ABL2: variants seen among roughly 807,000 people sequenced by gnomAD.
ABL2 encodes ABL proto-oncogene 2, non-receptor tyrosine kinase.
Under a neutral mutation model 107.7 loss-of-function variants are expected in ABL2, and 49 were observed. That is an observed-to-expected ratio of 0.45 (90% CI 0.36 to 0.58). The LOEUF (loss-of-function observed/expected upper bound fraction) is 0.58. Ranked by LOEUF, ABL2 falls within the 20% of genes least tolerant of loss-of-function variation. ABL2 has a pLI of 0.00. For missense variants in ABL2, 1,245 were observed against 1,457.0 expected (o/e 0.85, Z 2.37); for synonymous variants, 549 against 548.6 (o/e 1.00, Z -0.01).
intron 1 of ABL2, among the ~76,000 whole-genome samples, chr1:179,171,772 C>T (rs562739302): frequency 1.3e-5 from 2 of 152,288 alleles, no homozygotes; most frequent in South Asian, 4.1e-4. Flanking sequence ...CTTGGCCTCC[C>T]AGTGCTGGGA....
intron 1 of ABL2, among the ~76,000 whole-genome samples, chr1:179,140,879 A>AT (rs1196199085): frequency 5.3e-5 from 8 of 152,092 alleles, no homozygotes; most frequent in Non-Finnish European, 1.0e-4. Context: ...TGTGGTGGCT[A>AT]GCGTCTGTAA....
At chr1:179,117,137 T>C (rs1372493954) in intron 8 of ABL2, 195 bp downstream of exon 8, 2 of 626,328 alleles carry the variant, frequency 3.2e-6, no homozygotes, top group African/African-American at 1.8e-5. Flanking sequence ...ACCAGGCCTA[T>C]ACTTCTGTTT....
chr1:179,126,333 G>T lies in ABL2; in HGVS notation c.687+44C>A. The T allele has an allele frequency of 1.3e-6, 2 of 1,567,530 alleles. No individual in the cohort carries two copies. Among genetic ancestry groups the T allele is most frequent in the South Asian group, 1.1e-5 (1 of 88,512 alleles). On this transcript the variant is annotated intron_variant, in intron 4 of 11. Coordinates refer to ENST00000502732, the MANE Select transcript of ABL2 (RefSeq NM_007314.4). This position sits in a 1 kb window ranked among gnomAD's most constrained non-coding sequence, Gnocchi z 4.4. ...CAATCACGTTGAATATTATTTCACAGAGTAGCCAGTCCATGCTTAAAGGTG... is the reference window on the plus strand; with the variant it reads ...CAATCACGTTGAATATTATTTCACATAGTAGCCAGTCCATGCTTAAAGGTG...
intron 4 of ABL2, among the ~76,000 whole-genome samples, chr1:179,125,143 A>T (rs1655618179): frequency 6.6e-6 from 1 of 152,226 alleles, no homozygotes; most frequent in South Asian, 2.1e-4. Context: ...GTGTGTCAGA[A>T]CTGTGAACTA....
At chr1:179,173,845 T>C (rs1465734322) in intron 1 of ABL2, among the ~76,000 whole-genome samples, 1 of 137,892 alleles carries the variant, frequency 7.3e-6, no homozygotes, top group Non-Finnish European at 1.6e-5. Context: ...TGGATATTAA[T>C]TTAAAAAGCT....
intron 1 of ABL2, among the ~76,000 whole-genome samples, chr1:179,171,204 G>A (rs1659698511): frequency 6.6e-6 from 1 of 152,040 alleles, no homozygotes; most frequent in African/African-American, 2.4e-5. Flanking sequence ...ATAACTATTG[G>A]CCGTCTGTGC....
intron 1 of ABL2, among the ~76,000 whole-genome samples, chr1:179,147,002 T>C (rs543061867): frequency 2.5e-4 from 38 of 151,410 alleles, no homozygotes; most frequent in African/African-American, 7.8e-4. Context: ...GTTGAGGCTG[T>C]AGTGAGCCAA....
At chr1:179,119,328 G>A (rs989414055) in intron 6 of ABL2, among the ~76,000 whole-genome samples, 1 of 151,994 alleles carries the variant, frequency 6.6e-6, no homozygotes, top group African/African-American at 2.4e-5. Flanking sequence ...GATCGCCTGA[G>A]CCCAGCAGTT....
intron 1 of ABL2, 59 bp downstream of exon 1, chr1:179,229,182 G>A: frequency 5.9e-5 from 12 of 202,512 alleles, no homozygotes; most frequent in Admixed American, 2.1e-4. Flanking sequence ...CACCCACCCC[G>A]CCCCGACCCC....
intron 1 of ABL2, among the ~76,000 whole-genome samples, chr1:179,191,467 CTGGAG>C: frequency 8.5e-6 from 1 of 117,268 alleles, no homozygotes; most frequent in East Asian, 2.7e-4. Context: ...ATTGCCCAGG[CTGGAG>C]TGCAAAGGCA....
At chr1:179,165,576 G>A (rs1425445101) in intron 1 of ABL2, among the ~76,000 whole-genome samples, 3 of 152,102 alleles carry the variant, frequency 2.0e-5, no homozygotes, top group South Asian at 2.1e-4. Context: ...GTCACACTAC[G>A]AAGTTCAGAT....
intron 3 of ABL2, among the ~76,000 whole-genome samples, chr1:179,127,043 A>G (rs1331165474): frequency 6.6e-6 from 1 of 152,256 alleles, no homozygotes; most frequent in Non-Finnish European, 1.5e-5. Flanking sequence ...ACTTTCCCTC[A>G]AAAGTTTATC....
rs569484762 is a variant in ABL2 at position 179,225,329 on chromosome 1, C to T, written c.157+3912G>A. Among the ~76,000 whole-genome samples the T allele has an allele frequency of 2.6e-5, 4 of 152,278 alleles. No individual in the cohort carries two copies. In the East Asian group the frequency reaches 5.8e-4, roughly 22 times the overall value. ...ATTATTTGGCTTATATTAAAACCTA[C>T]ATGTAAACCCAAGAGTCTAACAGAC... is the stretch of plus-strand genomic sequence containing the variant. On this transcript the variant is annotated intron_variant, in intron 1 of 11. Coordinates refer to ENST00000502732, the MANE Select transcript of ABL2 (RefSeq NM_007314.4).
rs150433117 is a variant in ABL2, at chr1:179,194,160, T to C, written c.157+35081A>G. ...TTAACATTAGTTTTCATAAATTTCA[T>C]AATTTTGACTACAGTGAAGGTCCTA... is the stretch of plus-strand genomic sequence containing the variant. On this transcript the variant is annotated intron_variant, in intron 1 of 11. Transcript: ENST00000502732. Among the ~76,000 whole-genome samples the C allele has an allele frequency of 4.9e-4, 74 of 152,330 alleles. No homozygotes were observed. In the East Asian group the frequency reaches 0.014, roughly 29 times the overall value.
intron 1 of ABL2, among the ~76,000 whole-genome samples, chr1:179,163,772 T>C (rs917452089): frequency 1.3e-5 from 2 of 151,902 alleles, no homozygotes; most frequent in Admixed American, 1.3e-4. Flanking sequence ...GAAAAGAAAA[T>C]TGTCCCAAAC....
In ABL2 at chr1:179,176,712, T is replaced by TTTTTTTTTTTTC. The variant is rs58726443; in HGVS notation, c.158-43339_158-43338insGAAAAAAAAAAA. On this transcript the variant is annotated intron_variant, in intron 1 of 11. Coordinates refer to ENST00000502732, the MANE Select transcript of ABL2 (RefSeq NM_007314.4). ...GTGTTGTTACATATTCTTTTTTTTT[T>TTTTTTTTTTTTC]CCAGACAGATTCTCATTCTGTCACC... 3.3e-5 allele frequency among the ~76,000 whole-genome samples: 5 copies of TTTTTTTTTTTTC among 149,706 alleles called. No homozygotes were observed. The East Asian group carries it at 9.8e-4, about 29-fold the overall frequency.
At chr1:179,191,413 CTTTTTTTTTTTTT>C (rs35362624) in intron 1 of ABL2, among the ~76,000 whole-genome samples, 2 of 77,170 alleles carry the variant, frequency 2.6e-5, no homozygotes, top group Non-Finnish European at 4.6e-5. Flanking sequence ...TATGAAATCC[CTTTTTTTTTTTTT>C]TTTTTTTTTT....
chr1:179,109,279 G>C lies in ABL2; in HGVS notation c.1988C>G (p.Pro663Arg). 6.2e-7 allele frequency: 1 copy of C among 1,614,122 alleles called. No homozygotes were observed. The highest frequency in any genetic ancestry group is 8.5e-7 in the Non-Finnish European group (1 of 1,180,004). Residue 663 changes from proline (P) to arginine (R), a missense_variant, in exon 12 of 12, where the codon CCT (proline) becomes CGT (arginine). Transcript: ENST00000502732. ...GGAGCTGCTGCGTTTGGGGGGTGTA[G>C]GAGCATTTCTCTTCTTCATGAAGGA... The part of the protein sequence containing the change: ...FSSFMKKRNA[P>R]TPPKRSSSFR...
intron 1 of ABL2, among the ~76,000 whole-genome samples, chr1:179,190,617 G>T (rs1198421335): frequency 1.3e-5 from 2 of 152,020 alleles, no homozygotes; most frequent in African/African-American, 2.4e-5. Flanking sequence ...TGGGATGGAG[G>T]GGGGTGAGGG....
Sources: gnomAD v4.1 joint callset for allele counts (sites outside exome capture counted in the v4.1 genomes callset) on GRCh38, gnomAD v4.1.1 for gene constraint, Gnocchi (gnomAD v3.1) non-coding constraint, MANE v1.5 for transcripts, NCBI Gene and HGNC (gene_info 2026-07-23, HGNC 2026-07-21) for gene names.